MYO16: variants seen among roughly 807,000 people sequenced by gnomAD.
MYO16 encodes unconventional myosin-XVI.
MYO16 carries 94 observed loss-of-function variants against 205.3 expected under a neutral mutation model. That is an observed-to-expected ratio of 0.46 (90% CI 0.39 to 0.54). The LOEUF (loss-of-function observed/expected upper bound fraction) is 0.54. MYO16 is among the 20% of genes least tolerant of loss of function. MYO16 has a pLI of 0.00. For missense variants in MYO16, 2,315 were observed against 2,387.5 expected (o/e 0.97, Z 0.63); for synonymous variants, 988 against 954.0 (o/e 1.04, Z -0.66).
rs1315240355 is a variant in MYO16 at position 108,784,938 on chromosome 13, A to G, written c.508-697A>G. Among the ~76,000 whole-genome samples the G allele has an allele frequency of 5.3e-5, 8 of 152,272 alleles. No homozygotes were observed. The South Asian group carries it at 1.4e-3, about 28-fold the overall frequency. On this transcript the variant is annotated intron_variant, in intron 4 of 34. Coordinates refer to ENST00000457511, the MANE Select transcript of MYO16 (RefSeq NM_001198950.3). The stretch of plus-strand genomic sequence containing the variant: ...CCTGAAGAGTGCAAGCAAATCTACC[A>G]TTGTATTGAAGCTGAGAGGGGCAAG...
At chr13:108,610,642 G>T (rs1024476966) in intron 1 of MYO16, among the ~76,000 whole-genome samples, 1 of 152,160 alleles carries the variant, frequency 6.6e-6, no homozygotes, top group Non-Finnish European at 1.5e-5. Flanking sequence ...CCACATTCAC[G>T]CTGCCATTTA....
At chr13:108,758,037 C>T (rs1041540337) in intron 4 of MYO16, among the ~76,000 whole-genome samples, 1 of 152,062 alleles carries the variant, frequency 6.6e-6, no homozygotes, top group East Asian at 1.9e-4. Flanking sequence ...TGAGATTAGT[C>T]CCCTCATACA....
chr13:108,831,759 C>T lies in MYO16; in HGVS notation c.1097+8481C>T, dbSNP rs138812851. Among the ~76,000 whole-genome samples, 202 of 152,324 alleles carry T rather than the reference C, an allele frequency of 1.3e-3. 2 individuals carry two copies. The South Asian group carries it at 0.024, about 18-fold the overall frequency. On this transcript the variant is annotated intron_variant, in intron 9 of 34. Coordinates refer to ENST00000457511, the MANE Select transcript of MYO16 (RefSeq NM_001198950.3). ...AACTCCTGACCTCAGGTCATCCACCCGCTTTGGCATTCCAAAGTGCTGAGA... is the reference window on the plus strand; with the variant it reads ...AACTCCTGACCTCAGGTCATCCACCTGCTTTGGCATTCCAAAGTGCTGAGA...
At chr13:108,966,634 T>C (rs914742315) in intron 20 of MYO16, among the ~76,000 whole-genome samples, 1 of 152,148 alleles carries the variant, frequency 6.6e-6, no homozygotes, top group Non-Finnish European at 1.5e-5. Flanking sequence ...AATGGGAAAT[T>C]AGAGGTGAAT....
chr13:109,012,423 T>C (rs1033669253), intron 22 of MYO16, among the ~76,000 whole-genome samples: 3 of 152,278 alleles, frequency 2.0e-5, no homozygotes, highest in South Asian at 4.2e-4. Flanking sequence ...CAGGAACCTA[T>C]GAGAGGGATC....
At chr13:109,197,715 T>C (rs1367126981) in intron 34 of MYO16, among the ~76,000 whole-genome samples, 2 of 152,212 alleles carry the variant, frequency 1.3e-5, no homozygotes, top group African/African-American at 2.4e-5. Flanking sequence ...TATTTTACAA[T>C]GTTAATTAAA....
At chr13:108,685,408 G>C (rs1389098512) in intron 2 of MYO16, among the ~76,000 whole-genome samples, 1 of 152,134 alleles carries the variant, frequency 6.6e-6, no homozygotes, top group Non-Finnish European at 1.5e-5. Flanking sequence ...GGAGTCTTGT[G>C]GGACTGAGCC....
At chr13:108,524,741 C>T in the MYO16 span, among the ~76,000 whole-genome samples, 2 of 151,862 alleles carry the variant, frequency 1.3e-5, no homozygotes, top group Non-Finnish European at 2.9e-5. Context: ...ACCTCTGGAG[C>T]ATGGATTGGG....
At chr13:108,788,252 C>T (rs1454118658) in intron 5 of MYO16, among the ~76,000 whole-genome samples, 1 of 152,134 alleles carries the variant, frequency 6.6e-6, no homozygotes, top group Admixed American at 6.5e-5. Flanking sequence ...CCTAATTGTG[C>T]TGTCACCACC....
chr13:108,622,977 G>A (rs2139338317), intron 1 of MYO16, among the ~76,000 whole-genome samples: 1 of 152,052 alleles, frequency 6.6e-6, no homozygotes, highest in East Asian at 1.9e-4. Flanking sequence ...TTGAGAGAAA[G>A]AGTGAGAGAG....
chr13:108,617,260 G>A (rs1159603367), intron 1 of MYO16, among the ~76,000 whole-genome samples: 1 of 152,124 alleles, frequency 6.6e-6, no homozygotes, highest in African/African-American at 2.4e-5. Flanking sequence ...CCTGTTTGAT[G>A]GGAGCACAGA....
At chr13:109,192,944 G>A (rs1289199976) in intron 34 of MYO16, among the ~76,000 whole-genome samples, 3 of 152,156 alleles carry the variant, frequency 2.0e-5, no homozygotes, top group Non-Finnish European at 4.4e-5. Context: ...TAGCACCTAA[G>A]TTTAGCTTCC....
At chr13:108,573,353 A>G in the MYO16 span, among the ~76,000 whole-genome samples, 1 of 152,240 alleles carries the variant, frequency 6.6e-6, no homozygotes, top group Admixed American at 6.5e-5. Context: ...GTTGGAATAT[A>G]ATGTCATTTT....
At chr13:109,059,400 G>C (rs1424397013) in intron 27 of MYO16, among the ~76,000 whole-genome samples, 3 of 152,174 alleles carry the variant, frequency 2.0e-5, no homozygotes, top group Non-Finnish European at 4.4e-5. Flanking sequence ...AATTCCTTCA[G>C]CAGTTTTTGG....
intron 27 of MYO16, among the ~76,000 whole-genome samples, chr13:109,084,948 A>G (rs1888393047): frequency 6.6e-6 from 1 of 152,180 alleles, no homozygotes; most frequent in African/African-American, 2.4e-5. Context: ...GTTTATGGGT[A>G]GAGCTTTATA....
chr13:108,743,277 G>A (rs1337448381), intron 4 of MYO16, among the ~76,000 whole-genome samples: 1 of 152,106 alleles, frequency 6.6e-6, no homozygotes, highest in Non-Finnish European at 1.5e-5. Flanking sequence ...TGGGGTGGAA[G>A]TAATTTGATA....
chr13:108,810,380 G>A (rs746084354), intron 7 of MYO16, among the ~76,000 whole-genome samples: 14 of 152,130 alleles, frequency 9.2e-5, no homozygotes, highest in Non-Finnish European at 2.1e-4. Flanking sequence ...GTGCAAAACT[G>A]GAAATATTGA....
At position 109,167,893 on chromosome 13, in the gene MYO16, T is replaced by A. The variant is rs1218158875; in HGVS notation, c.5323+2834T>A. 4.0e-5 allele frequency among the ~76,000 whole-genome samples: 6 copies of A among 151,176 alleles called. No individual in the cohort carries two copies. The South Asian group carries it at 8.4e-4, about 21-fold the overall frequency. On this transcript the variant is annotated intron_variant, in intron 33 of 34. Transcript: ENST00000457511. ...TTAAGGATATTTTTAGGAAAAAAAA[T>A]AAAAATGAAAGGAATTAAACACTGA...
At chr13:108,970,399 G>A (rs184815914) in intron 20 of MYO16, among the ~76,000 whole-genome samples, 8 of 152,282 alleles carry the variant, frequency 5.3e-5, no homozygotes, top group East Asian at 3.9e-4. Context: ...ATCAGGTCCC[G>A]AGACTTTTCT....
Sources: allele counts gnomAD v4.1 joint callset (sites outside exome capture counted in the v4.1 genomes callset), GRCh38; gene constraint gnomAD v4.1.1; transcripts MANE v1.5; gene names NCBI Gene and HGNC (gene_info 2026-07-23, HGNC 2026-07-21).